BTG1: variants seen among roughly 807,000 people sequenced by gnomAD.
BTG1 encodes the protein protein BTG1.
In BTG1, 2 loss-of-function variants were observed where a neutral mutation model predicts 15.2. The observed-to-expected ratio is 0.13, with a 90% CI of 0.05 to 0.41. The LOEUF (loss-of-function observed/expected upper bound fraction) is 0.41, where lower values mean the gene tolerates loss of function less well. BTG1 is among the 10% of genes least tolerant of loss of function. The pLI is 0.99. For synonymous variants in BTG1, 109 were observed against 82.4 expected (o/e 1.32, Z -1.75); for missense variants, 149 against 215.0 (o/e 0.69, Z 1.92).
rs141949793 is a variant in BTG1, at chr12:92,145,699, G to A, written c.-164C>T. 6 of 416,518 alleles carry A rather than the reference G, an allele frequency of 1.4e-5. No homozygotes were observed. Among genetic ancestry groups the A allele is most frequent in the Admixed American group, 4.8e-5 (1 of 20,774 alleles). 25.8% of individuals were successfully genotyped at this position (416,518 alleles called of 1,614,324 possible). A position where few individuals can be genotyped will look rare whatever the true frequency, so the allele number is the denominator to read the frequency against. ...GTCTTTCTTTCTTTAGACTAAAAAA[G>A]TTATTTTCGAGACAGGAGGCGGCAG... On this transcript the variant is annotated 5_prime_UTR_variant, in exon 1 of 2. Transcript: ENST00000256015.
At chr12:92,144,476 A>G (rs1429427114) in intron 1 of BTG1, 29 bp from the exon 2 acceptor site, 1 of 1,608,582 alleles carries the variant, frequency 6.2e-7, no homozygotes, top group South Asian at 1.1e-5. Context: ...ACAGAGAAAC[A>G]ACGCTTAGGA....
Position 92,145,641 on chromosome 12 carries a change from AAG to A in BTG1, c.-108_-107del. ...CCTCACCGGGCGGAAGGCTGAGAGG[AAG>A]AGAGGGCGTGAGGGGCGGACGACTA... On this transcript the variant is annotated 5_prime_UTR_variant, in exon 1 of 2. Transcript: ENST00000256015. The A allele has an allele frequency of 1.3e-6, 1 of 789,770 alleles. No individual in the cohort carries two copies. Among genetic ancestry groups the A allele is most frequent in the South Asian group, 5.4e-5 (1 of 18,478 alleles). The allele number at this position is 789,770 out of a possible 1,614,324, so 48.9% of individuals were successfully genotyped here.
At position 92,144,085 on chromosome 12, in the gene BTG1, C is replaced by A. The variant is rs1870429084; in HGVS notation, c.511G>T (p.Gly171Cys). 1 of 1,611,906 alleles carries A rather than the reference C, an allele frequency of 6.2e-7. No homozygotes were observed. Among genetic ancestry groups the A allele is most frequent in the Admixed American group, 1.7e-5 (1 of 59,948 alleles). ...ATCCATCCACAGACTATATCTTAAC[C>A]TGATACAGTCATCATATTGTAGTTT... is the stretch of plus-strand genomic sequence containing the variant. ...SKNYNMMTVSG is the reference protein window; with the variant it reads ...SKNYNMMTVSC Residue 171 changes from glycine to cysteine, a missense_variant, in exon 2 of 2, where the codon GGT (glycine) becomes TGT (cysteine). Transcript: ENST00000256015.
rs933859414 is a variant in BTG1, at chr12:92,142,424, C to T, written c.*1656G>A. ...TCCACTTTCAATTTCCACTGAAAAA[C>T]GCTGTTATCCTCTACAACTAAACAG... On this transcript the variant is annotated 3_prime_UTR_variant, in exon 2 of 2. Transcript: ENST00000256015. The T allele has an allele frequency of 1.3e-5, 3 of 231,794 alleles. No individual in the cohort carries two copies. Among genetic ancestry groups the T allele is most frequent in the Non-Finnish European group, 1.7e-5 (2 of 117,240 alleles). The allele number at this position is 231,794 out of a possible 1,614,324, so 14.4% of individuals were successfully genotyped here. A position where few individuals can be genotyped will look rare whatever the true frequency, so the allele number is the denominator to read the frequency against.
At chr12:92,145,336 C>G in intron 1 of BTG1, 52 bp downstream of exon 1, 1 of 1,463,546 alleles carries the variant, frequency 6.8e-7, no homozygotes, top group Non-Finnish European at 9.1e-7. Flanking sequence ...CGGCCGGACT[C>G]TGACCCAGGG....
At position 92,142,645 on chromosome 12, in the gene BTG1, T is replaced by A. The variant is rs955328035; in HGVS notation, c.*1435A>T. On this transcript the variant is annotated 3_prime_UTR_variant, in exon 2 of 2. Coordinates refer to ENST00000256015, the MANE Select transcript of BTG1 (RefSeq NM_001731.3). Reference sequence around the variant, plus strand: ...CCAGCTTATGTGATTTTTATGTACATCTTGCAGGTGATGAAAAGCAAAAAG... The same window carrying A: ...CCAGCTTATGTGATTTTTATGTACAACTTGCAGGTGATGAAAAGCAAAAAG... 2.1e-5 allele frequency: 5 copies of A among 232,946 alleles called. No homozygotes were observed. The Admixed American group carries it at 2.3e-4, about 10-fold the overall frequency. 14.4% of individuals were successfully genotyped at this position (232,946 alleles called of 1,614,324 possible). A position where few individuals can be genotyped will look rare whatever the true frequency, so the allele number is the denominator to read the frequency against.
intron 1 of BTG1, 64 bp downstream of exon 1, chr12:92,145,324 G>T: frequency 7.1e-7 from 1 of 1,407,772 alleles, no homozygotes; most frequent in Non-Finnish European, 9.3e-7. Flanking sequence ...CCGCAGCCCC[G>T]ACGGCCGGAC....
Position 92,141,380 on chromosome 12 carries a change from C to CTA in BTG1, c.*2698_*2699dup, listed in dbSNP as rs930839394. On this transcript the variant is annotated 3_prime_UTR_variant, in exon 2 of 2. Transcript: ENST00000256015. ...CCTGCATGAACCAGGGTAACTCTTG[C>CTA]TATACAATCCACTTGAAGCCTTGTT... 3 of 232,054 alleles carry CTA rather than the reference C, an allele frequency of 1.3e-5. No homozygotes were observed. The highest frequency in any genetic ancestry group is 6.6e-5 in the African/African-American group (3 of 45,246). The allele number at this position is 232,054 out of a possible 1,614,324, so 14.4% of individuals were successfully genotyped here.
rs1429218286 is a variant in BTG1, at chr12:92,142,199, G to T, written c.*1881C>A. 4.3e-6 allele frequency: 1 copy of T among 231,954 alleles called. No homozygotes were observed. The highest frequency in any genetic ancestry group is 8.5e-6 in the Non-Finnish European group (1 of 117,392). The allele number at this position is 231,954 out of a possible 1,614,324, so 14.4% of individuals were successfully genotyped here. A position where few individuals can be genotyped will look rare whatever the true frequency, so the allele number is the denominator to read the frequency against. ...TACTCTAAATACCTGCATATTCAGT[G>T]GCCTATTCCTGTGTTGTCTACAAAA... is the stretch of plus-strand genomic sequence containing the variant. On this transcript the variant is annotated 3_prime_UTR_variant, in exon 2 of 2. Transcript: ENST00000256015.
Position 92,142,985 on chromosome 12 carries a change from A to G in BTG1, c.*1095T>C, listed in dbSNP as rs1870348210. 4.3e-6 allele frequency: 1 copy of G among 232,904 alleles called. No homozygotes were observed. The highest frequency in any genetic ancestry group is 2.2e-5 in the African/African-American group (1 of 45,336). 14.4% of individuals were successfully genotyped at this position (232,904 alleles called of 1,614,324 possible). On this transcript the variant is annotated 3_prime_UTR_variant, in exon 2 of 2. Coordinates refer to ENST00000256015, the MANE Select transcript of BTG1 (RefSeq NM_001731.3). ...CCTGTGTTTCCTGTAAAACCTAAAC[A>G]TGTATATACAGAGCATCTTCATTCC...
intron 1 of BTG1, chr12:92,145,121 C>T (rs954959738): frequency 9.0e-6 from 3 of 333,526 alleles, no homozygotes; most frequent in African/African-American, 6.5e-5. Context: ...CAGCTCCCGC[C>T]TCGGTGGGCT....
Position 92,141,170 on chromosome 12 carries a change from C to A in BTG1, c.*2910G>T. ...AAGGCCAATTTCATAAACTGCAACACCTATACAAAACAAAATTAATTACTT... is the reference window on the plus strand; with the variant it reads ...AAGGCCAATTTCATAAACTGCAACAACTATACAAAACAAAATTAATTACTT... On this transcript the variant is annotated 3_prime_UTR_variant, in exon 2 of 2. Transcript: ENST00000256015. 4.3e-6 allele frequency: 1 copy of A among 232,744 alleles called. No individual in the cohort carries two copies. The highest frequency in any genetic ancestry group is 8.5e-6 in the Non-Finnish European group (1 of 117,750). 14.4% of individuals were successfully genotyped at this position (232,744 alleles called of 1,614,324 possible).
At position 92,143,902 on chromosome 12, in the gene BTG1, T is replaced by C; in HGVS notation, c.*178A>G. The stretch of plus-strand genomic sequence containing the variant: ...ATTAAAATTAATCATTGAAAGGTAC[T>C]GTCCAAACTATGGCACTGTCACTTA... On this transcript the variant is annotated 3_prime_UTR_variant, in exon 2 of 2. Coordinates refer to ENST00000256015, the MANE Select transcript of BTG1 (RefSeq NM_001731.3). 1 of 643,410 alleles carries C rather than the reference T, an allele frequency of 1.6e-6. No homozygotes were observed. Among genetic ancestry groups the C allele is most frequent in the South Asian group, 2.2e-5 (1 of 45,126 alleles). The allele number at this position is 643,410 out of a possible 1,614,324, so 39.9% of individuals were successfully genotyped here. A position where few individuals can be genotyped will look rare whatever the true frequency, so the allele number is the denominator to read the frequency against.
intron 1 of BTG1, 40 bp from the exon 2 acceptor site, chr12:92,144,487 T>C (rs760298677): frequency 1.3e-6 from 2 of 1,598,590 alleles, no homozygotes; most frequent in African/African-American, 1.4e-5. Flanking sequence ...ACGCTTAGGA[T>C]CGTTAGCTCC....
rs1456725593 is a variant in BTG1, at chr12:92,143,452, TGTCTTTTTAAGG to T, written c.*616_*627del. ...GGTGCTAACACCACAGTTGAGACAG[TGTCTTTTTAAGG>T]GTCTTTTTTAAAGCCTGTTGCCATG... On this transcript the variant is annotated 3_prime_UTR_variant, in exon 2 of 2. Transcript: ENST00000256015. 8.6e-6 allele frequency: 2 copies of T among 233,668 alleles called. No individual in the cohort carries two copies. Among genetic ancestry groups the T allele is most frequent in the African/African-American group, 2.2e-5 (1 of 45,352 alleles). The allele number at this position is 233,668 out of a possible 1,614,324, so 14.5% of individuals were successfully genotyped here.
chr12:92,144,561 A>T (rs1592657525), intron 1 of BTG1, 114 bp from the exon 2 acceptor site: 25 of 1,408,428 alleles, frequency 1.8e-5, no homozygotes, highest in Non-Finnish European at 2.4e-5. Context: ...TCAACTTTTT[A>T]AAATGTCCAG....
In BTG1 at chr12:92,140,850, A is replaced by T. The variant is rs1870166984; in HGVS notation, c.*3230T>A. 1 of 232,630 alleles carries T rather than the reference A, an allele frequency of 4.3e-6. No individual in the cohort carries two copies. The allele number at this position is 232,630 out of a possible 1,614,324, so 14.4% of individuals were successfully genotyped here. A position where few individuals can be genotyped will look rare whatever the true frequency, so the allele number is the denominator to read the frequency against. On this transcript the variant is annotated 3_prime_UTR_variant, in exon 2 of 2. Transcript: ENST00000256015. ...TTTTGAAGACTTCCATGCATAGATA[A>T]AACTATTGACAAATGTTCTCCATAT...
Position 92,142,067 on chromosome 12 carries a change from A to G in BTG1, c.*2013T>C, listed in dbSNP as rs1360204356. On this transcript the variant is annotated 3_prime_UTR_variant, in exon 2 of 2. Coordinates refer to ENST00000256015, the MANE Select transcript of BTG1 (RefSeq NM_001731.3). ...ATACCGAGGAGCTTTTTCACAGAAT[A>G]GGTTTAAAAATAAAACCATAACAAT... The G allele has an allele frequency of 4.3e-6, 1 of 231,784 alleles. No homozygotes were observed. Among genetic ancestry groups the G allele is most frequent in the Non-Finnish European group, 8.5e-6 (1 of 117,222 alleles). The allele number at this position is 231,784 out of a possible 1,614,324, so 14.4% of individuals were successfully genotyped here.
In BTG1 at chr12:92,141,559, G is replaced by A. The variant is rs1396725255; in HGVS notation, c.*2521C>T. 2 of 231,204 alleles carry A rather than the reference G, an allele frequency of 8.7e-6. No individual in the cohort carries two copies. Among genetic ancestry groups the A allele is most frequent in the South Asian group, 1.8e-4 (1 of 5,518 alleles). 14.3% of individuals were successfully genotyped at this position (231,204 alleles called of 1,614,324 possible). On this transcript the variant is annotated 3_prime_UTR_variant, in exon 2 of 2. Transcript: ENST00000256015. ...AAAGGCAACAATAATTTTGAAAGTA[G>A]TCATCCTATCTTAAAAGGATTTATA...
Sources: gnomAD v4.1 joint callset for allele counts on GRCh38, gnomAD v4.1.1 for gene constraint, MANE v1.5 for transcripts, NCBI Gene and HGNC (gene_info 2026-07-23, HGNC 2026-07-21) for gene names.